Variants in FRY observed in about 807,000 individuals in gnomAD.
The protein encoded by FRY is protein furry homolog.
Under a neutral mutation model 348.4 loss-of-function variants are expected in FRY, and 128 were observed. The observed-to-expected ratio is 0.37, with a 90% CI of 0.32 to 0.43. FRY has a LOEUF of 0.43. Ranked by LOEUF, FRY falls within the 20% of genes least tolerant of loss-of-function variation. The pLI is 1.00. For missense variants in FRY, 2,736 were observed against 3,695.2 expected (o/e 0.74, Z 6.73); for synonymous variants, 1,370 against 1,374.7 (o/e 1.00, Z 0.08).
intron 20 of FRY, 135 bp downstream of exon 20, chr13:32,175,767 A>G (rs1409643796): frequency 1.5e-6 from 1 of 666,934 alleles, no homozygotes; most frequent in African/African-American, 1.8e-5. Flanking sequence ...ACTTATGAAG[A>G]TAAGACTAGT....
At chr13:32,036,050 C>T (rs1872496706) in intron 1 of FRY, among the ~76,000 whole-genome samples, 2 of 152,210 alleles carry the variant, frequency 1.3e-5, no homozygotes, top group African/African-American at 4.8e-5. Flanking sequence ...GAAAACATCT[C>T]AGATTCTCTG....
rs908192184 is a variant in FRY, at chr13:32,296,111, G to C, written c.*651G>C. 3.9e-5 allele frequency: 6 copies of C among 152,816 alleles called. No individual in the cohort carries two copies. Among genetic ancestry groups the C allele is most frequent in the African/African-American group, 9.7e-5 (4 of 41,428 alleles). 9.5% of individuals were successfully genotyped at this position (152,816 alleles called of 1,614,324 possible). A position where few individuals can be genotyped will look rare whatever the true frequency, so the allele number is the denominator to read the frequency against. On this transcript the variant is annotated 3_prime_UTR_variant, in exon 61 of 61. Coordinates refer to ENST00000542859, the MANE Select transcript of FRY (RefSeq NM_023037.3). ...TGAAGTACCTTTCTTATGTTGCTAG[G>C]CTACTGTTTCTGAAAGCCCTGGATC...
At chr13:32,248,991 T>C (rs946131633) in intron 48 of FRY, among the ~76,000 whole-genome samples, 1 of 152,246 alleles carries the variant, frequency 6.6e-6, no homozygotes, top group Non-Finnish European at 1.5e-5. Flanking sequence ...AGTTTGCGAA[T>C]TGCTGCCTAT....
chr13:32,204,202 G>C (rs1301792751), intron 31 of FRY, among the ~76,000 whole-genome samples: 2 of 152,190 alleles, frequency 1.3e-5, no homozygotes, highest in East Asian at 3.8e-4. Flanking sequence ...ATCTGTAATA[G>C]TAATGACTAC....
At chr13:32,187,677 A>C (rs773254156) in intron 28 of FRY, 21 bp downstream of exon 28, 50 of 1,297,752 alleles carry the variant, frequency 3.9e-5, no homozygotes, top group Non-Finnish European at 5.2e-5. Flanking sequence ...GCAAAAATAC[A>C]TTGTTTTTGA....
In FRY at chr13:32,074,395, C is replaced by CCT. The variant is rs879373046; in HGVS notation, c.71-4439_71-4438insCT. On this transcript the variant is annotated intron_variant, in intron 1 of 60. Coordinates refer to ENST00000542859, the MANE Select transcript of FRY (RefSeq NM_023037.3). ...ATATAAAGAGAAGACAAATTTCAAA[C>CCT]GGATTCAATAATTAGAAACCTAATT... Among the ~76,000 whole-genome samples, 782 of 152,200 alleles carry CCT rather than the reference C, an allele frequency of 5.1e-3. 3 individuals are homozygous for CCT. The highest frequency in any genetic ancestry group is 0.017 in the Middle Eastern group (5 of 294).
chr13:32,162,909 A>T (rs572278858), intron 17 of FRY, among the ~76,000 whole-genome samples: 1 of 152,318 alleles, frequency 6.6e-6, no homozygotes, highest in South Asian at 2.1e-4. Context: ...ATCCTGGATC[A>T]AAAAGGGCTT....
intron 1 of FRY, among the ~76,000 whole-genome samples, chr13:32,052,185 T>TG (rs1488053298): frequency 6.6e-6 from 1 of 152,222 alleles, no homozygotes; most frequent in Non-Finnish European, 1.5e-5. Flanking sequence ...GACATAAAGG[T>TG]GACCACCTCC....
At chr13:32,172,570 C>T (rs1882153986) in intron 18 of FRY, among the ~76,000 whole-genome samples, 1 of 151,978 alleles carries the variant, frequency 6.6e-6, no homozygotes. Flanking sequence ...CAGAGGAGAA[C>T]CAGGGTGGTG....
intron 46 of FRY, among the ~76,000 whole-genome samples, chr13:32,241,133 C>G (rs1259839768): frequency 2.0e-5 from 3 of 152,200 alleles, no homozygotes; most frequent in Non-Finnish European, 2.9e-5. Context: ...ACTAAGCAAG[C>G]ACACACACAC....
intron 53 of FRY, among the ~76,000 whole-genome samples, chr13:32,264,183 G>A (rs1251156347): frequency 6.6e-6 from 1 of 152,118 alleles, no homozygotes; most frequent in East Asian, 1.9e-4. Flanking sequence ...CTTCTCTAAT[G>A]GATTAAGTGT....
chr13:32,212,312 A>T lies in FRY; in HGVS notation c.4612A>T (p.Thr1538Ser). 1 of 1,606,616 alleles carries T rather than the reference A, an allele frequency of 6.2e-7. No homozygotes were observed. The highest frequency in any genetic ancestry group is 8.5e-7 in the Non-Finnish European group (1 of 1,173,790). Reference protein sequence around the residue: ...AASGTTSSSNTVVAGQENFPD... With the variant: ...AASGTTSSSNSVVAGQENFPD... ...TACAGGAACCACCTCTAGCAGCAAT[A>T]CAGTGGTTGCTGGCCAGGAAAATTT... is the stretch of plus-strand genomic sequence containing the variant. Residue 1538 changes from threonine to serine, a missense_variant, in exon 35 of 61, where the codon ACA (threonine) becomes TCA (serine). Physicochemically the swap from Thr to Ser is moderately conservative, Grantham distance 58 (BLOSUM62 1). Around this residue, in one of 9 missense-constraint regions of FRY, gnomAD observed 794 missense variants for 977.0 expected, o/e 0.81. Coordinates refer to ENST00000542859, the MANE Select transcript of FRY (RefSeq NM_023037.3).
chr13:32,054,511 G>A (rs759548664), intron 1 of FRY, among the ~76,000 whole-genome samples: 1 of 152,132 alleles, frequency 6.6e-6, no homozygotes, highest in Non-Finnish European at 1.5e-5. Flanking sequence ...CAAGTACGTA[G>A]ATTTCTGACA....
intron 28 of FRY, 101 bp downstream of exon 28, chr13:32,187,757 C>T (rs1883108345): frequency 2.8e-6 from 2 of 723,064 alleles, no homozygotes; most frequent in Admixed American, 3.9e-5. Flanking sequence ...CCTCTTCACA[C>T]ATCAGCCACA....
intron 1 of FRY, among the ~76,000 whole-genome samples, chr13:32,062,037 A>G (rs746074494): frequency 1.3e-4 from 20 of 152,160 alleles, no homozygotes; most frequent in Non-Finnish European, 2.8e-4. Context: ...CTTGCTAATT[A>G]TTCCACTGCA....
intron 47 of FRY, among the ~76,000 whole-genome samples, chr13:32,245,520 G>C (rs1463418088): frequency 1.3e-5 from 2 of 152,048 alleles, no homozygotes; most frequent in Non-Finnish European, 1.5e-5. Context: ...AGGCTGGGGA[G>C]AGAGTTTCCC....
chr13:32,075,058 C>G (rs1011497909), intron 1 of FRY, among the ~76,000 whole-genome samples: 6 of 152,154 alleles, frequency 3.9e-5, no homozygotes, highest in African/African-American at 1.4e-4. Flanking sequence ...GTGGCTAGTA[C>G]TGAATCCATG....
Position 32,274,999 on chromosome 13 carries a change from TC to T in FRY, c.8286+11del. 1 of 1,612,460 alleles carries T rather than the reference TC, an allele frequency of 6.2e-7. No individual in the cohort carries two copies. Among genetic ancestry groups the T allele is most frequent in the South Asian group, 1.1e-5 (1 of 91,058 alleles). On this transcript the variant is annotated intron_variant, in intron 56 of 60. Transcript: ENST00000542859. Reference sequence around the variant, plus strand: ...TTTGTGGATGCCGAGACTGTGAGTATCCCAGTCCTGCTCTGACAGTGAAGGG... The same window carrying T: ...TTTGTGGATGCCGAGACTGTGAGTATCCAGTCCTGCTCTGACAGTGAAGGG...
At chr13:32,146,705 G>A (rs1216292065) in intron 11 of FRY, among the ~76,000 whole-genome samples, 2 of 152,016 alleles carry the variant, frequency 1.3e-5, no homozygotes, top group African/African-American at 2.4e-5. Context: ...CTATCCTCTT[G>A]CTTCTGTCCC....
Sources: allele counts gnomAD v4.1 joint callset (sites outside exome capture counted in the v4.1 genomes callset), GRCh38; gene constraint gnomAD v4.1.1; regional missense constraint gnomAD v4.1.1; transcripts MANE v1.5; gene names NCBI Gene and HGNC (gene_info 2026-07-23, HGNC 2026-07-21).